Variants in PWWP3B observed in about 807,000 individuals in gnomAD.
The protein encoded by PWWP3B is PWWP domain-containing DNA repair factor 3B.
Under a neutral mutation model 15.7 loss-of-function variants are expected in PWWP3B, and 5 were observed. The ratio of observed to expected loss-of-function variants is 0.32; its 90% CI spans 0.17 to 0.67. The LOEUF (loss-of-function observed/expected upper bound fraction) is 0.67. Ranked by LOEUF, PWWP3B falls within the 30% of genes least tolerant of loss-of-function variation. The pLI, the probability that PWWP3B is intolerant of heterozygous loss-of-function variation, is 0.74. For synonymous variants in PWWP3B, 203 were observed against 179.8 expected (o/e 1.13, Z -1.03); for missense variants, 519 against 493.1 (o/e 1.05, Z -0.50).
At chrX:106,193,109 T>C (rs1923110603) in intron 2 of PWWP3B, among the ~76,000 whole-genome samples, 1 of 111,512 alleles carries the variant, frequency 9.0e-6, no homozygotes, top group Non-Finnish European at 1.9e-5. Context: ...ACTTTCTGTC[T>C]CATTGATCTG....
chrX:106,195,378 C>A (rs1028799433), intron 2 of PWWP3B, among the ~76,000 whole-genome samples: 3 of 111,402 alleles, frequency 2.7e-5, no homozygotes, highest in Non-Finnish European at 5.6e-5. Flanking sequence ...TTTTTATGGT[C>A]CATGCTTTTT....
At chrX:106,194,657 C>T (rs1372967676) in intron 2 of PWWP3B, among the ~76,000 whole-genome samples, 2 of 111,042 alleles carry the variant, frequency 1.8e-5, no homozygotes, top group Non-Finnish European at 1.9e-5. Flanking sequence ...CTTTTTTTTC[C>T]CCATCTTTGT....
chrX:106,171,527 G>A lies in PWWP3B; in HGVS notation c.-401+388G>A, dbSNP rs147607125. 2.4e-3 allele frequency among the ~76,000 whole-genome samples: 272 copies of A among 111,382 alleles called. 1 individual carries two copies. The highest frequency in any genetic ancestry group is 8.4e-3 in the African/African-American group (258 of 30,621). On this transcript the variant is annotated intron_variant, in intron 2 of 3. Transcript: ENST00000357175. ...AAAGGTTTCTTAGAACCTGCTTAAG[G>A]TCTTATGACCTTCTTGAATCACCTG... is the stretch of plus-strand genomic sequence containing the variant.
In PWWP3B at chrX:106,178,696, A is replaced by G. The variant is rs1272036176; in HGVS notation, c.-401+7557A>G. Among the ~76,000 whole-genome samples, 11 of 112,427 alleles carry G rather than the reference A, an allele frequency of 9.8e-5. No individual in the cohort carries two copies. The Admixed American group carries it at 1.0e-3, about 11-fold the overall frequency. On this transcript the variant is annotated intron_variant, in intron 2 of 3. Coordinates refer to ENST00000357175, the MANE Select transcript of PWWP3B (RefSeq NM_001171020.2). ...TGAAAACACTTAGTAGTATGCAAAA[A>G]TGTTTAAACCATGAGCTTAAGCAGG...
chrX:106,185,913 T>G (rs1181093848), intron 2 of PWWP3B, among the ~76,000 whole-genome samples: 1 of 112,139 alleles, frequency 8.9e-6, no homozygotes, highest in Admixed American at 9.4e-5. Context: ...TGAGGATGGA[T>G]CCTAAAATTC....
intron 2 of PWWP3B, among the ~76,000 whole-genome samples, chrX:106,181,335 C>T (rs1318449468): frequency 2.1e-4 from 24 of 111,708 alleles, no homozygotes; most frequent in Admixed American, 2.1e-3. Flanking sequence ...TCCCCGCCCA[C>T]GTCGTGCTGA....
Position 106,205,622 on chromosome X carries a change from G to T in PWWP3B, c.190G>T (p.Glu64Ter). 8.3e-7 allele frequency: 1 copy of T among 1,209,354 alleles called. No individual in the cohort carries two copies. Among genetic ancestry groups the T allele is most frequent in the East Asian group, 3.0e-5 (1 of 33,819 alleles). The change falls in exon 4 of 4, where the codon GAA (glutamate) becomes TAA (stop). Residue 64 changes from glutamate (E) to a stop codon, truncating the protein, a stop_gained. Transcript: ENST00000357175. LOFTEE classifies it low-confidence loss of function (END_TRUNC). ...ETKILNKSQI[E>*]AIAASLGLQS... is the part of the protein sequence containing the mutation. ...AAAGATCCTAAATAAATCTCAAATT[G>T]AAGCCATTGCTGCCTCATTAGGACT... is the stretch of plus-strand genomic sequence containing the variant.
chrX:106,200,079 C>A (rs761700909), intron 2 of PWWP3B, among the ~76,000 whole-genome samples: 101 of 111,431 alleles, frequency 9.1e-4, no homozygotes, highest in Non-Finnish European at 1.7e-3. Flanking sequence ...GGTTAGTGGA[C>A]TGTTAACTAG....
chrX:106,191,367 C>T (rs1217802547), intron 2 of PWWP3B, among the ~76,000 whole-genome samples: 1 of 111,240 alleles, frequency 9.0e-6, no homozygotes, highest in African/African-American at 3.3e-5. Flanking sequence ...TATAAGAATG[C>T]TTGTGATTTT....
intron 3 of PWWP3B, among the ~76,000 whole-genome samples, 157 bp downstream of exon 3, chrX:106,204,327 A>G (rs1206774456): frequency 1.8e-5 from 2 of 112,634 alleles, no homozygotes; most frequent in African/African-American, 6.4e-5. Context: ...GATTTGGGGT[A>G]CAATTCATTT....
chrX:106,205,509 C>T lies in PWWP3B; in HGVS notation c.77C>T (p.Ser26Leu). Residue 26 changes from serine (S) to leucine (L), a missense_variant, in exon 4 of 4, where the codon TCA (serine) becomes TTA (leucine). Coordinates refer to ENST00000357175, the MANE Select transcript of PWWP3B (RefSeq NM_001171020.2). ...AAAGTTTTGTCCAGATCTGAAACTT[C>T]ATCAAACAGTAAGAGGAAAAAGGCA... Reference protein sequence around the residue: ...PAKVLSRSETSSNSKRKKAFS... With the variant: ...PAKVLSRSETLSNSKRKKAFS... 8.3e-7 allele frequency: 1 copy of T among 1,200,070 alleles called. No individual in the cohort carries two copies. The highest frequency in any genetic ancestry group is 1.7e-5 in the African/African-American group (1 of 57,583).
chrX:106,186,063 G>A (rs745811154), intron 2 of PWWP3B, among the ~76,000 whole-genome samples: 42 of 111,652 alleles, frequency 3.8e-4, no homozygotes, highest in Admixed American at 3.8e-4. Context: ...AAGCACCAGA[G>A]ATAGGAAGTG....
intron 2 of PWWP3B, among the ~76,000 whole-genome samples, chrX:106,193,234 G>A (rs1054636370): frequency 4.5e-5 from 5 of 111,444 alleles, no homozygotes; most frequent in African/African-American, 9.8e-5. Flanking sequence ...TGTATTGGGT[G>A]CATATATATT....
intron 2 of PWWP3B, among the ~76,000 whole-genome samples, chrX:106,185,017 C>T (rs1922423464): frequency 9.0e-6 from 1 of 111,560 alleles, no homozygotes; most frequent in African/African-American, 3.3e-5. Context: ...ATGTAAATTG[C>T]ATGCTTTGCA....
intron 2 of PWWP3B, among the ~76,000 whole-genome samples, chrX:106,197,214 A>G (rs1339083777): frequency 8.9e-6 from 1 of 111,762 alleles, no homozygotes; most frequent in Non-Finnish European, 1.9e-5. Context: ...CCTCTTTCTC[A>G]GGCTGCTTTT....
At chrX:106,196,180 T>A (rs1923365142) in intron 2 of PWWP3B, among the ~76,000 whole-genome samples, 1 of 111,662 alleles carries the variant, frequency 9.0e-6, no homozygotes, top group South Asian at 3.7e-4. Context: ...GCTTCATAGC[T>A]TTTTTTTGGT....
chrX:106,187,009 A>G (rs191417368), intron 2 of PWWP3B, among the ~76,000 whole-genome samples: 1 of 111,829 alleles, frequency 8.9e-6, no homozygotes, highest in East Asian at 2.8e-4. Flanking sequence ...TAGACAGAAA[A>G]GTTCTCCAAG....
chrX:106,187,453 A>G (rs920076180), intron 2 of PWWP3B, among the ~76,000 whole-genome samples: 1 of 112,081 alleles, frequency 8.9e-6, no homozygotes, highest in Admixed American at 9.5e-5. Context: ...CCAATGTGGC[A>G]GGTTTATCCC....
intron 2 of PWWP3B, among the ~76,000 whole-genome samples, chrX:106,192,521 T>A (rs1188711137): frequency 9.0e-6 from 1 of 111,207 alleles, no homozygotes; most frequent in East Asian, 2.8e-4. Flanking sequence ...TTTTGAAGGG[T>A]TTTTTGTGTC....
Sources: gnomAD v4.1 joint callset for allele counts (sites outside exome capture counted in the v4.1 genomes callset) on GRCh38, gnomAD v4.1.1 for gene constraint, MANE v1.5 for transcripts, NCBI Gene and HGNC (gene_info 2026-07-23, HGNC 2026-07-21) for gene names.